SPTB: variants seen among roughly 807,000 people sequenced by gnomAD.
SPTB encodes spectrin beta, erythrocytic.
Under a neutral mutation model 256.2 loss-of-function variants are expected in SPTB, and 45 were observed. That is an observed-to-expected ratio of 0.18 (90% confidence interval 0.14 to 0.23). The LOEUF (loss-of-function observed/expected upper bound fraction) is 0.23. Among genes scored for constraint, SPTB ranks in the 10% least tolerant of loss-of-function variants. The pLI is 1.00. For synonymous variants in SPTB, 1,231 were observed against 1,243.1 expected (o/e 0.99, Z 0.21); for missense variants, 2,715 against 3,040.4 (o/e 0.89, Z 2.52).
rs766824367 is a variant in SPTB, at chr14:64,794,602, C to T, written c.1660G>A (p.Ala554Thr). 3.7e-6 allele frequency: 6 copies of T among 1,614,138 alleles called. No homozygotes were observed. The South Asian group carries it at 6.6e-5, about 18-fold the overall frequency. ...TCCAACAAGTGCTTCCCAAACTCGG[C>T]AGACAAGAGGTGAGCCTGGCAAAGA... ...MDEIKAHLLS[A>T]EFGKHLLEVE... Residue 554 changes from alanine (A) to threonine (T), a missense_variant, in exon 13 of 36, where the codon GCC (alanine) becomes ACC (threonine). Physicochemically the swap from Ala to Thr is moderately conservative, Grantham distance 58 (BLOSUM62 0). Coordinates refer to ENST00000644917, the MANE Select transcript of SPTB (RefSeq NM_001355436.2).
rs1191110366 is a variant in SPTB, at chr14:64,795,705, G to A, written c.1342-66C>T. On this transcript the variant is annotated intron_variant, in intron 11 of 35. Coordinates refer to ENST00000644917, the MANE Select transcript of SPTB (RefSeq NM_001355436.2). The surrounding 1 kb of genome is among the most constrained non-coding windows in gnomAD (Gnocchi z 6.5). ...CCAGGGGCTCATCCCCAAACTCAGGGACAGGGCAGCTCCCTTCAGAACCAG... is the reference window on the plus strand; with the variant it reads ...CCAGGGGCTCATCCCCAAACTCAGGAACAGGGCAGCTCCCTTCAGAACCAG... The A allele has an allele frequency of 7.8e-6, 12 of 1,542,570 alleles. No individual in the cohort carries two copies. The East Asian group carries it at 2.5e-4, about 32-fold the overall frequency.
Position 64,779,204 on chromosome 14 carries a change from A to G in SPTB, c.4516T>C (p.Tyr1506His). 6.2e-7 allele frequency: 1 copy of G among 1,614,050 alleles called. No individual in the cohort carries two copies. The highest frequency in any genetic ancestry group is 8.5e-7 in the Non-Finnish European group (1 of 1,179,974). ...ERLPLAQSADYGTNLQTVQLF... is the reference protein window; with the variant it reads ...ERLPLAQSADHGTNLQTVQLF... ...TGCACAGTTTGCAGATTAGTGCCAT[A>G]GTCGGCTGACTGGGCCAGAGGCAGC... Residue 1506 changes from tyrosine to histidine, a missense_variant, in exon 22 of 36, where the codon TAT becomes CAT. Tyr to His is a moderately conservative substitution (Grantham distance 83, BLOSUM62 2). Around this residue, in one of 4 missense-constraint regions of SPTB, gnomAD observed 2,239 missense variants for 2,384.4 expected, o/e 0.94. Transcript: ENST00000644917. This position sits in a 1 kb window ranked among gnomAD's most constrained non-coding sequence, Gnocchi z 4.2.
Position 64,764,789 on chromosome 14 carries a change from G to GC in SPTB, c.6345+1936dup, listed in dbSNP as rs2082141342. Among the ~76,000 whole-genome samples, 1 of 152,164 alleles carries GC rather than the reference G, an allele frequency of 6.6e-6. No homozygotes were observed. The highest frequency in any genetic ancestry group is 1.5e-5 in the Non-Finnish European group (1 of 68,030). On this transcript the variant is annotated intron_variant, in intron 32 of 35. Transcript: ENST00000644917. The surrounding 1 kb of genome is among the most constrained non-coding windows in gnomAD (Gnocchi z 4.2). The stretch of plus-strand genomic sequence containing the variant: ...TAGCCCGTGTCCGCAGTCTGTGCCG[G>GC]CCCCCCAGAGTTCGCTCTCCTTCCG...
chr14:64,862,602 G>A (rs545776172), intron 1 of SPTB, among the ~76,000 whole-genome samples: 11 of 152,016 alleles, frequency 7.2e-5, no homozygotes, highest in South Asian at 2.1e-4. Context: ...GCCTGGGCGC[G>A]GTGCCTCACA....
Position 64,753,746 on chromosome 14 carries a change from C to T in SPTB, c.6393G>A (p.Pro2131=), listed in dbSNP as rs200751290. 154 of 1,613,702 alleles carry T rather than the reference C, an allele frequency of 9.5e-5. No homozygotes were observed. Among genetic ancestry groups the T allele is most frequent in the Middle Eastern group, 4.9e-4 (3 of 6,062 alleles). Residue 2131 remains proline (P), a synonymous_variant, in exon 33 of 36, where the codon CCG becomes CCA. Coordinates refer to ENST00000644917, the MANE Select transcript of SPTB (RefSeq NM_001355436.2). ...TWPQNLQQPP[P]PGQHKDGQKS... is the part of the protein sequence containing the mutation. ...TCTGCCCATCCTTGTGCTGACCCGG[C>T]GGTGGTGGCTGCTGCAGGTTCTGAG...
chr14:64,750,359 ACATTTTCG>A, intron 33 of SPTB: 1 of 577,790 alleles, frequency 1.7e-6, no homozygotes, highest in Non-Finnish European at 2.8e-6. Context: ...TCTAGTCTTC[ACATTTTCG>A]CATTTTTTTT....
chr14:64,807,901 G>C lies in SPTB; in HGVS notation c.149-2811C>G, dbSNP rs899089058. Reference sequence around the variant, plus strand: ...AGGCCTCAGCACAGCCCTGCCAGGAGCCAGGCCTTATTTCCAGAGCCCTAA... The same window carrying C: ...AGGCCTCAGCACAGCCCTGCCAGGACCCAGGCCTTATTTCCAGAGCCCTAA... On this transcript the variant is annotated intron_variant, in intron 2 of 35. Transcript: ENST00000644917. This position sits in a 1 kb window ranked among gnomAD's most constrained non-coding sequence, Gnocchi z 4.7. 1.3e-5 allele frequency among the ~76,000 whole-genome samples: 2 copies of C among 152,258 alleles called. No homozygotes were observed. The highest frequency in any genetic ancestry group is 1.3e-4 in the Admixed American group (2 of 15,288).
chr14:64,774,360 C>T (rs2082324836), intron 24 of SPTB, 37 bp downstream of exon 24: 2 of 1,570,988 alleles, frequency 1.3e-6, no homozygotes, highest in African/African-American at 1.3e-5. Context: ...GCTCAATCCC[C>T]ATCTCCTGAC....
chr14:64,770,801 A>G, intron 27 of SPTB, 84 bp downstream of exon 27: 2 of 1,594,046 alleles, frequency 1.3e-6, no homozygotes, highest in South Asian at 1.1e-5. Context: ...CCCTTCACGG[A>G]GGAGCCACAG....
At chr14:64,839,429 G>A (rs1233969127) in intron 1 of SPTB, among the ~76,000 whole-genome samples, 1 of 152,188 alleles carries the variant, frequency 6.6e-6, no homozygotes, top group Non-Finnish European at 1.5e-5. Context: ...GGATTGTAGG[G>A]TTGGGGAAAC....
chr14:64,760,190 G>A lies in SPTB; in HGVS notation c.6346-6397C>T, dbSNP rs911124373. ...CTTGCAAAGTCAAGCAGGAGTCTGT[G>A]TAAGCTTGACTTTTTAGGGTCCTGC... On this transcript the variant is annotated intron_variant, in intron 32 of 35. Coordinates refer to ENST00000644917, the MANE Select transcript of SPTB (RefSeq NM_001355436.2). The surrounding 1 kb of genome is among the most constrained non-coding windows in gnomAD (Gnocchi z 4.3). 7.2e-5 allele frequency among the ~76,000 whole-genome samples: 11 copies of A among 152,068 alleles called. No individual in the cohort carries two copies. The highest frequency in any genetic ancestry group is 2.7e-4 in the African/African-American group (11 of 41,396).
chr14:64,771,616 A>G (rs576525931), intron 26 of SPTB, among the ~76,000 whole-genome samples: 14 of 152,250 alleles, frequency 9.2e-5, no homozygotes, highest in African/African-American at 3.4e-4. Flanking sequence ...GTTCTTAACC[A>G]TTCTGTGTGC....
rs187324190 is a variant in SPTB at position 64,837,617 on chromosome 14, T to C, written c.-51-14472A>G. Among the ~76,000 whole-genome samples, 490 of 152,332 alleles carry C rather than the reference T, an allele frequency of 3.2e-3. 1 individual carries two copies. Among genetic ancestry groups the C allele is most frequent in the Non-Finnish European group, 5.0e-3 (342 of 68,042 alleles). On this transcript the variant is annotated intron_variant, in intron 1 of 35. Transcript: ENST00000644917. ...TTTATTTTATTTTATTTTTACTTTT[T>C]TAAGACAGAGTTTTGCTCTTGTTGC...
Position 64,781,994 on chromosome 14 carries a change from T to C in SPTB, c.4266+296A>G, listed in dbSNP as rs113266364. 0.12 allele frequency among the ~76,000 whole-genome samples: 18,732 copies of C among 152,196 alleles called. 1,661 individuals are homozygous for C. Among genetic ancestry groups the C allele is most frequent in the Admixed American group, 0.25 (3,779 of 15,288 alleles). On this transcript the variant is annotated intron_variant, in intron 20 of 35. Coordinates refer to ENST00000644917, the MANE Select transcript of SPTB (RefSeq NM_001355436.2). The stretch of plus-strand genomic sequence containing the variant: ...AAACCAAATACCACATGTTCTCACT[T>C]ATAAGTGGGAGCTAAGTGAGAAGAA...
chr14:64,863,276 T>G (rs1881963721), intron 1 of SPTB, among the ~76,000 whole-genome samples: 1 of 152,142 alleles, frequency 6.6e-6, no homozygotes, highest in African/African-American at 2.4e-5. Context: ...ACACATAAAA[T>G]ACACTAACAC....
rs1371593449 is a variant in SPTB, at chr14:64,853,901, C to A, written c.-52+25891G>T. ...CATTTATTAAAAATTTTTTTAGATA[C>A]TTATCACTGGCCAGCCGCGGTGGCT... On this transcript the variant is annotated intron_variant, in intron 1 of 35. Transcript: ENST00000644917. This position sits in a 1 kb window ranked among gnomAD's most constrained non-coding sequence, Gnocchi z 4.3. 6.6e-6 allele frequency among the ~76,000 whole-genome samples: 1 copy of A among 152,116 alleles called. No individual in the cohort carries two copies. The highest frequency in any genetic ancestry group is 2.4e-5 in the African/African-American group (1 of 41,424).
intron 32 of SPTB, among the ~76,000 whole-genome samples, chr14:64,761,990 G>C (rs1023805895): frequency 6.6e-6 from 1 of 152,170 alleles, no homozygotes; most frequent in Non-Finnish European, 1.5e-5. Context: ...CTTAGGAAGA[G>C]TCGTCAGAAC....
chr14:64,839,086 C>G (rs999353942), intron 1 of SPTB, among the ~76,000 whole-genome samples: 9 of 151,876 alleles, frequency 5.9e-5, no homozygotes, highest in Non-Finnish European at 5.9e-5. Context: ...GAGCCGAGAT[C>G]GCACCATTGC....
chr14:64,860,271 T>G (rs2083946229), intron 1 of SPTB, among the ~76,000 whole-genome samples: 1 of 152,202 alleles, frequency 6.6e-6, no homozygotes. Context: ...AGTCTCATCT[T>G]TCACCCACTC....
Sources: gnomAD v4.1 joint callset for allele counts (sites outside exome capture counted in the v4.1 genomes callset) on GRCh38, gnomAD v4.1.1 for gene constraint, gnomAD v4.1.1 regional missense constraint, Gnocchi (gnomAD v3.1) non-coding constraint, MANE v1.5 for transcripts, NCBI Gene and HGNC (gene_info 2026-07-23, HGNC 2026-07-21) for gene names.